Variants in RIMBP2 observed in about 807,000 individuals in gnomAD.
RIMBP2 encodes RIMS-binding protein 2.
In RIMBP2, 48 loss-of-function variants were observed where a neutral mutation model predicts 118.6. That is an observed-to-expected ratio of 0.40 (90% CI 0.32 to 0.51). The LOEUF (loss-of-function observed/expected upper bound fraction) is 0.51, where lower values mean the gene tolerates loss of function less well. RIMBP2 is among the 20% of genes least tolerant of loss of function. The probability of loss-of-function intolerance (pLI) is 0.41; values close to 1 mark genes in which losing one functional copy is unlikely to be tolerated. For missense variants in RIMBP2, 1,551 were observed against 1,768.3 expected (o/e 0.88, Z 2.20); for synonymous variants, 762 against 742.9 (o/e 1.03, Z -0.42).
chr12:130,493,509 T>C (rs2048841392), intron 4 of RIMBP2, among the ~76,000 whole-genome samples: 1 of 152,020 alleles, frequency 6.6e-6, no homozygotes, highest in African/African-American at 2.4e-5. Context: ...GAGACGGGGT[T>C]TCAGCATGTT....
At chr12:130,507,809 G>C (rs1189471615) in intron 3 of RIMBP2, among the ~76,000 whole-genome samples, 1 of 152,176 alleles carries the variant, frequency 6.6e-6, no homozygotes, top group Non-Finnish European at 1.5e-5. Flanking sequence ...TGTGAATTAT[G>C]GCTTCAATAA....
intron 1 of RIMBP2, among the ~76,000 whole-genome samples, chr12:130,695,024 A>G (rs2065501992): frequency 6.6e-6 from 1 of 152,196 alleles, no homozygotes; most frequent in Admixed American, 6.5e-5. Flanking sequence ...TCCCATTATG[A>G]ACGCAAATGT....
chr12:130,506,081 C>G (rs1028368941), intron 4 of RIMBP2, among the ~76,000 whole-genome samples: 3 of 151,084 alleles, frequency 2.0e-5, no homozygotes, highest in African/African-American at 7.3e-5. Context: ...AATGATAATC[C>G]AATCAAATTT....
chr12:130,443,943 A>G (rs986830944), intron 10 of RIMBP2, among the ~76,000 whole-genome samples: 2 of 152,174 alleles, frequency 1.3e-5, no homozygotes, highest in African/African-American at 4.8e-5. Flanking sequence ...TACTATTACT[A>G]TCTCCATTCT....
chr12:130,545,274 G>T (rs1444520020), intron 2 of RIMBP2, among the ~76,000 whole-genome samples: 1 of 152,172 alleles, frequency 6.6e-6, no homozygotes, highest in Non-Finnish European at 1.5e-5. Context: ...TGCTGTCCCA[G>T]GCAGCGGCCG....
At chr12:130,675,283 CCAGT>C (rs112223728) in intron 1 of RIMBP2, among the ~76,000 whole-genome samples, 3,487 of 152,276 alleles carry the variant, frequency 0.023, 67 homozygotes, top group African/African-American at 0.05. Flanking sequence ...AGGCCAACCA[CCAGT>C]CAGTCCTCCC....
chr12:130,441,201 G>C (rs2078092973), intron 11 of RIMBP2, among the ~76,000 whole-genome samples: 1 of 152,046 alleles, frequency 6.6e-6, no homozygotes, highest in Non-Finnish European at 1.5e-5. Context: ...AAGAGTTTGA[G>C]ACGAGCCTGA....
chr12:130,418,637 G>C (rs2076239925), intron 17 of RIMBP2, among the ~76,000 whole-genome samples: 1 of 152,190 alleles, frequency 6.6e-6, no homozygotes, highest in Admixed American at 6.5e-5. Context: ...AGTTTATGTG[G>C]CAAGTTTGTG....
At chr12:130,618,833 G>T (rs1442526498) in intron 2 of RIMBP2, among the ~76,000 whole-genome samples, 1 of 152,338 alleles carries the variant, frequency 6.6e-6, no homozygotes, top group African/African-American at 2.4e-5. Flanking sequence ...GCTGCACCCA[G>T]TTGTACAAGG....
chr12:130,461,944 A>C (rs956623425), intron 6 of RIMBP2, among the ~76,000 whole-genome samples: 5 of 90,086 alleles, frequency 5.6e-5, no homozygotes, highest in African/African-American at 1.8e-4. Flanking sequence ...TGACACACCC[A>C]GGGAATTTTC....
At position 130,504,184 on chromosome 12, in the gene RIMBP2, G is replaced by A. The variant is rs564838204; in HGVS notation, c.-4+2464C>T. ...AAAACTACATCCCGTTCACAATTCA[G>A]TAAAACCCAGTGGTGGGTGTGATTT... On this transcript the variant is annotated intron_variant, in intron 4 of 22. Coordinates refer to ENST00000690449, the MANE Select transcript of RIMBP2 (RefSeq NM_001393629.1). 1.1e-4 allele frequency among the ~76,000 whole-genome samples: 17 copies of A among 152,318 alleles called. No individual in the cohort carries two copies. In the South Asian group the frequency reaches 3.5e-3, roughly 32 times the overall value.
rs1457350877 is a variant in RIMBP2 at position 130,446,022 on chromosome 12, C to CCA, written c.582-754_582-753insTG. ...AAACAGACGCATGATTTTATGCTCC[C>CCA]CCCCCCCACACCCCCAGGAATATAA... On this transcript the variant is annotated intron_variant, in intron 9 of 22. Coordinates refer to ENST00000690449, the MANE Select transcript of RIMBP2 (RefSeq NM_001393629.1). The surrounding 1 kb of genome is among the most constrained non-coding windows in gnomAD (Gnocchi z 4.1). Among the ~76,000 whole-genome samples the CCA allele has an allele frequency of 9.6e-6, 1 of 104,460 alleles. No individual in the cohort carries two copies. Among genetic ancestry groups the CCA allele is most frequent in the African/African-American group, 4.9e-5 (1 of 20,292 alleles). 68.5% of individuals were successfully genotyped at this position (104,460 alleles called of 152,430 possible).
intron 22 of RIMBP2, chr12:130,399,014 T>C (rs1407587681): frequency 8.0e-6 from 4 of 500,112 alleles, no homozygotes. Context: ...TGTATCTTTT[T>C]TTTTTTTTAA....
At chr12:130,637,355 C>A (rs918823137) in intron 1 of RIMBP2, among the ~76,000 whole-genome samples, 2 of 152,204 alleles carry the variant, frequency 1.3e-5, no homozygotes, top group African/African-American at 4.8e-5. Context: ...AGAGCAGTGC[C>A]TGGAACGCAG....
At chr12:130,433,846 G>T (rs1337426958) in intron 14 of RIMBP2, among the ~76,000 whole-genome samples, 5 of 152,188 alleles carry the variant, frequency 3.3e-5, no homozygotes, top group Non-Finnish European at 2.9e-5. Context: ...AATCCACCTC[G>T]CAGCCTCTAC....
In RIMBP2 at chr12:130,707,950, G is replaced by A. The variant is rs1047700598; in HGVS notation, c.-352+8272C>T. Among the ~76,000 whole-genome samples the A allele has an allele frequency of 9.2e-5, 14 of 152,236 alleles. No individual in the cohort carries two copies. In the South Asian group the frequency reaches 2.9e-3, roughly 32 times the overall value. ...AGAGGGAGAGAGAGAGAGACTATAC[G>A]CATTACACATGACTATATTTGCAAT... On this transcript the variant is annotated intron_variant, in intron 1 of 22. Transcript: ENST00000690449.
At chr12:130,429,690 T>C (rs1057486513) in intron 14 of RIMBP2, 2 of 152,096 alleles carry the variant, frequency 1.3e-5, no homozygotes, top group East Asian at 3.9e-4. Flanking sequence ...TGAAGATGTG[T>C]ATGCATTGGC....
chr12:130,690,112 T>C (rs1566459420), intron 1 of RIMBP2, among the ~76,000 whole-genome samples: 1 of 152,038 alleles, frequency 6.6e-6, no homozygotes, highest in Non-Finnish European at 1.5e-5. Flanking sequence ...CAAGGGCGGG[T>C]CAAGTCCTCC....
In RIMBP2 at chr12:130,475,817, G is replaced by A. The variant is rs1056682796; in HGVS notation, c.102+3095C>T. The stretch of plus-strand genomic sequence containing the variant: ...AAAAACGGGAGATGCTGCCGTTTAC[G>A]GAGCTCAAGGAGTTCAGCAGAAGTG... On this transcript the variant is annotated intron_variant, in intron 5 of 22. Coordinates refer to ENST00000690449, the MANE Select transcript of RIMBP2 (RefSeq NM_001393629.1). The surrounding 1 kb of genome is among the most constrained non-coding windows in gnomAD (Gnocchi z 4.1). Among the ~76,000 whole-genome samples, 4 of 152,116 alleles carry A rather than the reference G, an allele frequency of 2.6e-5. No homozygotes were observed. The highest frequency in any genetic ancestry group is 1.9e-4 in the East Asian group (1 of 5,184).
Sources: gnomAD v4.1 joint callset for allele counts (sites outside exome capture counted in the v4.1 genomes callset) on GRCh38, gnomAD v4.1.1 for gene constraint, Gnocchi (gnomAD v3.1) non-coding constraint, MANE v1.5 for transcripts, NCBI Gene and HGNC (gene_info 2026-07-23, HGNC 2026-07-21) for gene names.